FRMD1: variants seen among roughly 807,000 people sequenced by gnomAD.
FRMD1 encodes the protein FERM domain-containing protein 1.
Under a neutral mutation model 54.9 loss-of-function variants are expected in FRMD1, and 51 were observed. That is an observed-to-expected ratio of 0.93 (90% CI 0.74 to 1.17). FRMD1 has a LOEUF of 1.17. FRMD1 is among the 50% of genes most tolerant of loss of function. The pLI is 0.00. For synonymous variants in FRMD1, 324 were observed against 306.4 expected, an observed-to-expected ratio of 1.06 and a Z score of -0.60; for missense variants, 729 against 743.0, an observed-to-expected ratio of 0.98 and a Z score of 0.22.
chr6:168,079,287 G>A (rs966840879), upstream of FRMD1: 12 of 1,081,850 alleles, frequency 1.1e-5, no homozygotes, highest in Admixed American at 1.5e-4. Context: ...AGCTGGGTGT[G>A]TGGAGGGCGC....
rs145347617 is a variant in FRMD1 at position 168,059,132 on chromosome 6, C to T, written c.1399G>A (p.Val467Met). The T allele has an allele frequency of 8.3e-5, 130 of 1,575,240 alleles. No homozygotes were observed. The African/African-American group carries it at 1.4e-3, about 17-fold the overall frequency. Residue 467 changes from valine (V) to methionine (M), a missense_variant, in exon 10 of 11, where the codon GTG becomes ATG. Transcript: ENST00000283309. This position sits in a 1 kb window ranked among gnomAD's most constrained non-coding sequence, Gnocchi z 4.4. ...VRTRGQSAEA[V>M]HQIQEMTAGV... ...CGTGGGGGGGACTCTACCTGGTGCA[C>T]GGCCTCGGCGCTCTGGCCTCTGGTC...
At chr6:168,086,203 A>C (rs1170782526), upstream of FRMD1, among the ~76,000 whole-genome samples, 1 of 151,900 alleles carries the variant, frequency 6.6e-6, no homozygotes, top group African/African-American at 2.4e-5. Flanking sequence ...CAGTGTGGAC[A>C]CTGCCCATGT....
At chr6:168,074,806 GTGTA>G (rs1449271307) in intron 2 of FRMD1, among the ~76,000 whole-genome samples, 4 of 147,090 alleles carry the variant, frequency 2.7e-5, no homozygotes, top group Non-Finnish European at 6.0e-5. Flanking sequence ...CATGTGTGTG[GTGTA>G]TGTATGTGTA....
Position 168,066,200 on chromosome 6 carries a change from GA to G in FRMD1, c.461+554del, listed in dbSNP as rs1006855278. 56 of 987,620 alleles carry G rather than the reference GA, an allele frequency of 5.7e-5. No individual in the cohort carries two copies. In the African/African-American group the frequency reaches 9.8e-4, roughly 17 times the overall value. 61.2% of individuals were successfully genotyped at this position (987,620 alleles called of 1,614,324 possible). On this transcript the variant is annotated intron_variant, in intron 4 of 10. Transcript: ENST00000283309. The stretch of plus-strand genomic sequence containing the variant: ...CTAGAGAGTACGAGTCCTGGCATTT[GA>G]GGAAGTACCACTTTAGGCCGGGCAC...
intron 5 of FRMD1, among the ~76,000 whole-genome samples, chr6:168,064,399 G>A (rs1242660022): frequency 6.6e-6 from 1 of 152,196 alleles, no homozygotes; most frequent in Admixed American, 6.5e-5. Flanking sequence ...GCACACAGTG[G>A]TACAGCCCAC....
chr6:168,065,048 C>G lies in FRMD1; in HGVS notation c.471G>C (p.Arg157Ser). The change falls in exon 5 of 11, where the codon AGG (arginine) becomes AGC (serine). Residue 157 changes from arginine to serine, a missense_variant. Physicochemically the swap from Arg to Ser is moderately radical, Grantham distance 110. Coordinates refer to ENST00000283309, the MANE Select transcript of FRMD1 (RefSeq NM_024919.6). ...AGTGGCAGTAGTACAGGTGCCGTGC[C>G]CTGTGGTCGCTGGAAGGTGGCAGGG... ...VENGRVISDH[R>S]ARHLYYCHLK... 1 of 1,600,042 alleles carries G rather than the reference C, an allele frequency of 6.2e-7. No homozygotes were observed. The highest frequency in any genetic ancestry group is 2.2e-5 in the East Asian group (1 of 44,550).
chr6:168,091,857 C>T (rs1039023662), intron 1 of FRMD1, among the ~76,000 whole-genome samples: 5 of 152,090 alleles, frequency 3.3e-5, no homozygotes, highest in South Asian at 2.1e-4. Context: ...CTCACTACAA[C>T]GGGCCCAGCC....
chr6:168,083,955 G>T (rs1248217515), upstream of FRMD1, among the ~76,000 whole-genome samples: 1 of 152,140 alleles, frequency 6.6e-6, no homozygotes, highest in Non-Finnish European at 1.5e-5. Context: ...CTAAATGAGG[G>T]TCTCCCACAC....
rs772486751 is a variant in FRMD1 at position 168,063,697 on chromosome 6, C to T, written c.708G>A (p.Glu236=). Residue 236 remains glutamate (E), a synonymous_variant, in exon 6 of 11, where the codon GAG becomes GAA. Transcript: ENST00000283309. Reference sequence around the variant, plus strand: ...CCTCCTTGGGGCTCAGGCCCTGGCGCTCACGGTGCAGGGTAGGCATGTGCC... The same window carrying T: ...CCTCCTTGGGGCTCAGGCCCTGGCGTTCACGGTGCAGGGTAGGCATGTGCC... ...ILRHMPTLHR[E]RQGLSPKEAM... is the part of the protein sequence containing the mutation. 3.7e-6 allele frequency: 6 copies of T among 1,613,950 alleles called. No individual in the cohort carries two copies. In the East Asian group the frequency reaches 1.3e-4, roughly 36 times the overall value.
intron 1 of FRMD1, among the ~76,000 whole-genome samples, chr6:168,078,034 G>GATAT (rs1800672062): frequency 6.6e-6 from 1 of 152,116 alleles, no homozygotes; most frequent in African/African-American, 2.4e-5. Flanking sequence ...CTTGAACCAG[G>GATAT]ATATTACTAG....
chr6:168,067,587 C>T lies in FRMD1; in HGVS notation c.305-141G>A, dbSNP rs997811079. 6.6e-6 allele frequency: 4 copies of T among 602,794 alleles called. No homozygotes were observed. The African/African-American group carries it at 7.4e-5, about 11-fold the overall frequency. The allele number at this position is 602,794 out of a possible 1,614,324, so 37.3% of individuals were successfully genotyped here. ...TCTGCAGCTGACGCTGCATATGGGGCTTTCCTTGGCTGACAACGCAGAAAG... is the reference window on the plus strand; with the variant it reads ...TCTGCAGCTGACGCTGCATATGGGGTTTTCCTTGGCTGACAACGCAGAAAG... On this transcript the variant is annotated intron_variant, in intron 2 of 10. Transcript: ENST00000283309.
chr6:168,086,253 G>A (rs552074707), upstream of FRMD1, among the ~76,000 whole-genome samples: 35 of 141,376 alleles, frequency 2.5e-4, no homozygotes, highest in Non-Finnish European at 4.8e-4. Context: ...GGACACCCGC[G>A]TCCCCAGCAT....
intron 7 of FRMD1, chr6:168,062,530 C>T: frequency 1.2e-6 from 1 of 847,366 alleles, no homozygotes; most frequent in African/African-American, 1.7e-5. Context: ...CCCGTGAGGC[C>T]AGGACGGCCC....
chr6:168,081,949 T>C (rs976427362), upstream of FRMD1: 2 of 158,572 alleles, frequency 1.3e-5, no homozygotes, highest in Non-Finnish European at 2.8e-5. Flanking sequence ...AATACACAAG[T>C]TATAAAACAG....
chr6:168,057,366 C>G, intron 10 of FRMD1, 27 bp from the exon 11 acceptor site: 1 of 1,600,590 alleles, frequency 6.2e-7, no homozygotes, highest in Non-Finnish European at 8.5e-7. Flanking sequence ...TGGGATGAGG[C>G]CTGCTGCCCC....
intron 6 of FRMD1, 113 bp downstream of exon 6, chr6:168,063,488 G>A (rs1799866256): frequency 7.9e-7 from 1 of 1,261,674 alleles, no homozygotes; most frequent in Admixed American, 3.1e-5. Context: ...CTTAGCCATG[G>A]GGGCTCCATC....
At chr6:168,084,743 C>A (rs1800890332), upstream of FRMD1, among the ~76,000 whole-genome samples, 1 of 152,230 alleles carries the variant, frequency 6.6e-6, no homozygotes. Context: ...GCCCTCTTGT[C>A]CCTTCTGTGT....
chr6:168,079,217 G>C (rs924527517), upstream of FRMD1: 220 of 1,422,500 alleles, frequency 1.5e-4, no homozygotes, highest in Non-Finnish European at 1.9e-4. Flanking sequence ...GGAATTGAGA[G>C]GGAAGCCTGG....
chr6:168,057,336 G>T lies in FRMD1; in HGVS notation c.1411C>A (p.Gln471Lys). The change falls in exon 11 of 11, where the codon CAG (glutamine) becomes AAG (lysine). Residue 471 changes from glutamine to lysine, a missense_variant. Transcript: ENST00000283309. ...TCACTGACCCCGGCTGTCATTTCCT[G>T]GATCTGCGGGGAGAGGCCATGGGAT... ...GQSAEAVHQI[Q>K]EMTAGVSEEQ... is the part of the protein sequence containing the mutation. 5.0e-6 allele frequency: 8 copies of T among 1,609,642 alleles called. No homozygotes were observed. The highest frequency in any genetic ancestry group is 1.1e-5 in the South Asian group (1 of 91,038).
Sources: gnomAD v4.1 joint callset for allele counts (sites outside exome capture counted in the v4.1 genomes callset) on GRCh38, gnomAD v4.1.1 for gene constraint, Gnocchi (gnomAD v3.1) non-coding constraint, MANE v1.5 for transcripts, NCBI Gene and HGNC (gene_info 2026-07-23, HGNC 2026-07-21) for gene names.